The following EXOC4 variants were observed in gnomAD, a reference collection of about 807,000 sequenced individuals.
EXOC4 encodes exocyst complex component 4.
A neutral mutation model predicts 107.2 loss-of-function variants in EXOC4; 71 were observed. That is an observed-to-expected ratio of 0.66 (90% CI 0.55 to 0.81). The LOEUF (loss-of-function observed/expected upper bound fraction) is 0.81, where lower values mean the gene tolerates loss of function less well. Among genes scored for constraint, EXOC4 ranks in the 30% least tolerant of loss-of-function variants. The pLI, the probability that EXOC4 is intolerant of heterozygous loss-of-function variation, is 0.00. For synonymous variants in EXOC4, 456 were observed against 441.2 expected (o/e 1.03, Z -0.42); for missense variants, 1,108 against 1,189.6 (o/e 0.93, Z 1.01).
At chr7:133,934,346 C>T (rs1800249251) in intron 13 of EXOC4, among the ~76,000 whole-genome samples, 1 of 152,170 alleles carries the variant, frequency 6.6e-6, no homozygotes, top group Non-Finnish European at 1.5e-5. Flanking sequence ...TTCTCTGTGT[C>T]ATGGTTTCTG....
At chr7:133,714,185 G>C (rs1372817981) in intron 10 of EXOC4, among the ~76,000 whole-genome samples, 1 of 152,158 alleles carries the variant, frequency 6.6e-6, no homozygotes, top group Non-Finnish European at 1.5e-5. Flanking sequence ...CCTGAGGACA[G>C]GCTGACCATG....
At chr7:133,667,771 C>T (rs1442612126) in intron 10 of EXOC4, among the ~76,000 whole-genome samples, 2 of 152,290 alleles carry the variant, frequency 1.3e-5, no homozygotes, top group South Asian at 2.1e-4. Flanking sequence ...TTTCCAGGCT[C>T]ACTCACTCAG....
At chr7:133,629,163 A>G (rs942059547) in intron 9 of EXOC4, among the ~76,000 whole-genome samples, 4 of 152,238 alleles carry the variant, frequency 2.6e-5, no homozygotes, top group Admixed American at 2.6e-4. Flanking sequence ...TTCAATAAGG[A>G]AAAGGAAACA....
At chr7:133,851,887 T>A (rs189296820) in intron 11 of EXOC4, among the ~76,000 whole-genome samples, 1 of 152,206 alleles carries the variant, frequency 6.6e-6, no homozygotes, top group African/African-American at 2.4e-5. Flanking sequence ...GTCATCATAC[T>A]ACATTATACT....
chr7:133,429,234 G>T (rs1489181281), intron 7 of EXOC4, among the ~76,000 whole-genome samples: 2 of 152,074 alleles, frequency 1.3e-5, no homozygotes, highest in African/African-American at 4.8e-5. Flanking sequence ...AATCAATCTT[G>T]ATGTTTATTT....
intron 5 of EXOC4, among the ~76,000 whole-genome samples, chr7:133,324,336 T>G (rs1210659672): frequency 6.6e-6 from 1 of 152,224 alleles, no homozygotes; most frequent in African/African-American, 2.4e-5. Context: ...CTGCTTTCTC[T>G]TGTGGGCATT....
chr7:134,095,965 G>A, the EXOC4 span, among the ~76,000 whole-genome samples: 1 of 152,056 alleles, frequency 6.6e-6, no homozygotes. Context: ...TGACAAGTGT[G>A]ACCTAATTAA....
At chr7:133,528,443 T>G (rs1800120694) in intron 9 of EXOC4, among the ~76,000 whole-genome samples, 1 of 152,154 alleles carries the variant, frequency 6.6e-6, no homozygotes, top group South Asian at 2.1e-4. Flanking sequence ...GATTCCTTGA[T>G]AGGAGCTATA....
intron 6 of EXOC4, among the ~76,000 whole-genome samples, chr7:133,369,868 G>A (rs572884671): frequency 2.1e-5 from 3 of 140,170 alleles, no homozygotes; most frequent in South Asian, 2.4e-4. Flanking sequence ...GTGCAATGGC[G>A]CAATTTGGCT....
chr7:133,908,537 T>C (rs868392748), intron 12 of EXOC4, among the ~76,000 whole-genome samples: 2 of 152,250 alleles, frequency 1.3e-5, no homozygotes, highest in African/African-American at 4.8e-5. Context: ...TCTGGGTTCA[T>C]TTCAGGTTCT....
At chr7:134,043,725 C>T (rs895329878) in intron 17 of EXOC4, among the ~76,000 whole-genome samples, 2 of 151,944 alleles carry the variant, frequency 1.3e-5, no homozygotes, top group East Asian at 1.9e-4. Flanking sequence ...GCAATGGTTT[C>T]GGGGGAGGTT....
At chr7:133,422,568 T>C (rs573338393) in intron 7 of EXOC4, among the ~76,000 whole-genome samples, 3 of 152,356 alleles carry the variant, frequency 2.0e-5, no homozygotes, top group South Asian at 4.1e-4. Flanking sequence ...AGTGAAATTA[T>C]AGTCAAACTG....
intron 1 of EXOC4, among the ~76,000 whole-genome samples, chr7:133,257,342 A>G (rs1795041333): frequency 6.6e-6 from 1 of 151,414 alleles, no homozygotes; most frequent in Non-Finnish European, 1.5e-5. Context: ...CTGCTGATGT[A>G]CAATTTGGAT....
intron 17 of EXOC4, among the ~76,000 whole-genome samples, chr7:134,038,423 G>A (rs1227847810): frequency 6.6e-6 from 1 of 152,002 alleles, no homozygotes; most frequent in Non-Finnish European, 1.5e-5. Flanking sequence ...TATGTTCTTC[G>A]GGAACCACTC....
At chr7:133,490,996 G>C (rs1799362298) in intron 9 of EXOC4, among the ~76,000 whole-genome samples, 1 of 152,174 alleles carries the variant, frequency 6.6e-6, no homozygotes, top group East Asian at 1.9e-4. Flanking sequence ...AAAGTACCTT[G>C]CGTTAAAAAT....
At chr7:133,946,578 G>T (rs573632227) in intron 14 of EXOC4, among the ~76,000 whole-genome samples, 3 of 152,150 alleles carry the variant, frequency 2.0e-5, no homozygotes, top group Non-Finnish European at 4.4e-5. Flanking sequence ...TTACAAACTC[G>T]TTGAAACTTA....
chr7:133,270,619 A>G (rs908805187), intron 1 of EXOC4, among the ~76,000 whole-genome samples: 1 of 152,224 alleles, frequency 6.6e-6, no homozygotes, highest in African/African-American at 2.4e-5. Context: ...AATGGGTAGA[A>G]ATTAGAAAGA....
At chr7:133,860,602 G>T (rs1279951114) in intron 11 of EXOC4, among the ~76,000 whole-genome samples, 1 of 152,162 alleles carries the variant, frequency 6.6e-6, no homozygotes, top group African/African-American at 2.4e-5. Flanking sequence ...TTATTTTAGA[G>T]AAATGTTGTT....
At chr7:133,661,976 A>G (rs925168959) in intron 10 of EXOC4, among the ~76,000 whole-genome samples, 7 of 152,158 alleles carry the variant, frequency 4.6e-5, no homozygotes, top group African/African-American at 1.7e-4. Flanking sequence ...TATGCTTAAT[A>G]TGTGCCAATC....
Sources: gnomAD v4.1 joint callset for allele counts (sites outside exome capture counted in the v4.1 genomes callset) on GRCh38, gnomAD v4.1.1 for gene constraint, MANE v1.5 for transcripts, NCBI Gene and HGNC (gene_info 2026-07-23, HGNC 2026-07-21) for gene names.